SERINC5: variants seen among roughly 807,000 people sequenced by gnomAD.
SERINC5 encodes the protein chromosome 5 open reading frame 12.
In SERINC5, 41 loss-of-function variants were observed where a neutral mutation model predicts 63.1. That is an observed-to-expected ratio of 0.65 (90% CI 0.51 to 0.84). SERINC5 has a LOEUF of 0.84. Among genes scored for constraint, SERINC5 ranks in the 40% least tolerant of loss-of-function variants. The pLI is 0.00. For missense variants in SERINC5, 523 were observed against 573.0 expected, an observed-to-expected ratio of 0.91 and a Z score of 0.89; for synonymous variants, 222 against 215.2, an observed-to-expected ratio of 1.03 and a Z score of -0.28.
chr5:80,207,861 C>G (rs1175122638), intron 1 of SERINC5, among the ~76,000 whole-genome samples: 1 of 152,202 alleles, frequency 6.6e-6, no homozygotes, highest in Non-Finnish European at 1.5e-5. Context: ...TTCAAAACAG[C>G]ATCCGTAAAA....
At position 80,140,397 on chromosome 5, in the gene SERINC5, A is replaced by C. The variant is rs1359236229; in HGVS notation, c.*3266T>G. On this transcript the variant is annotated 3_prime_UTR_variant, in exon 12 of 12. Transcript: ENST00000507668. ...ACATTACACTGAGGTTATTCATAAT[A>C]AAGGATCTTCTGAGGAATCGGAAAT... 4 of 984,780 alleles carry C rather than the reference A, an allele frequency of 4.1e-6. No homozygotes were observed. The East Asian group carries it at 4.6e-4, about 112-fold the overall frequency. 61.0% of individuals were successfully genotyped at this position (984,780 alleles called of 1,614,324 possible).
Position 80,140,689 on chromosome 5 carries a change from G to T in SERINC5, c.*2974C>A. The T allele has an allele frequency of 1.0e-6, 1 of 985,210 alleles. No individual in the cohort carries two copies. The highest frequency in any genetic ancestry group is 1.2e-6 in the Non-Finnish European group (1 of 829,872). The allele number at this position is 985,210 out of a possible 1,614,324, so 61.0% of individuals were successfully genotyped here. On this transcript the variant is annotated 3_prime_UTR_variant, in exon 12 of 12. Coordinates refer to ENST00000507668, the MANE Select transcript of SERINC5 (RefSeq NM_001174072.3). Reference sequence around the variant, plus strand: ...GAAATAGTCTCTAGTCTCCAGTCAGGTAACATGCCGCGGTATGACACTCCC... The same window carrying T: ...GAAATAGTCTCTAGTCTCCAGTCAGTTAACATGCCGCGGTATGACACTCCC...
At chr5:80,146,699 A>G (rs2112305564) in intron 10 of SERINC5, among the ~76,000 whole-genome samples, 1 of 151,948 alleles carries the variant, frequency 6.6e-6, no homozygotes, top group East Asian at 1.9e-4. Context: ...CAGGTGATCC[A>G]CCCACCTCAG....
chr5:80,218,835 A>G (rs1750782085), intron 1 of SERINC5, among the ~76,000 whole-genome samples: 1 of 151,892 alleles, frequency 6.6e-6, no homozygotes, highest in Non-Finnish European at 1.5e-5. Flanking sequence ...CCCACAAACC[A>G]CATCACAGAA....
chr5:80,191,270 C>A (rs1343909055), intron 2 of SERINC5, among the ~76,000 whole-genome samples: 1 of 151,804 alleles, frequency 6.6e-6, no homozygotes, highest in African/African-American at 2.4e-5. Context: ...TTCTACTTCA[C>A]ATTCTAGAAT....
chr5:80,246,796 A>C (rs2112605463), intron 1 of SERINC5, among the ~76,000 whole-genome samples: 1 of 152,372 alleles, frequency 6.6e-6, no homozygotes. Context: ...AATATCATTA[A>C]TATATAAGCT....
downstream of SERINC5, among the ~76,000 whole-genome samples, chr5:80,134,354 C>T (rs1425254826): frequency 6.6e-6 from 1 of 152,154 alleles, no homozygotes; most frequent in South Asian, 2.1e-4. Flanking sequence ...GGCGTGGTGG[C>T]GTGCACCTGT....
chr5:80,113,983 T>C (rs1274880375), intron 11 of SERINC5, among the ~76,000 whole-genome samples: 1 of 151,954 alleles, frequency 6.6e-6, no homozygotes, highest in African/African-American at 2.4e-5. Flanking sequence ...CACACTCCCA[T>C]CTCTGGGTGT....
chr5:80,164,021 T>C (rs1368713592), intron 7 of SERINC5, among the ~76,000 whole-genome samples: 1 of 152,302 alleles, frequency 6.6e-6, no homozygotes, highest in East Asian at 1.9e-4. Flanking sequence ...TATTGGAAGA[T>C]TTTTTAAATC....
intron 1 of SERINC5, among the ~76,000 whole-genome samples, chr5:80,237,308 T>C (rs1047783139): frequency 6.6e-6 from 1 of 151,922 alleles, no homozygotes; most frequent in South Asian, 2.1e-4. Flanking sequence ...AAAAGGAGAA[T>C]GAAATGCTAA....
intron 7 of SERINC5, among the ~76,000 whole-genome samples, chr5:80,161,103 T>C (rs929165022): frequency 6.6e-6 from 1 of 151,934 alleles, no homozygotes; most frequent in Non-Finnish European, 1.5e-5. Flanking sequence ...CATCTGTTGA[T>C]GGACACTTAA....
chr5:80,214,234 C>T (rs1344210471), intron 1 of SERINC5, among the ~76,000 whole-genome samples: 1 of 152,038 alleles, frequency 6.6e-6, no homozygotes, highest in Admixed American at 6.6e-5. Context: ...TATAACAAGA[C>T]ATAGATCAGC....
At chr5:80,127,263 G>A (rs1316927816) in intron 11 of SERINC5, among the ~76,000 whole-genome samples, 1 of 152,196 alleles carries the variant, frequency 6.6e-6, no homozygotes, top group Non-Finnish European at 1.5e-5. Context: ...GAGTGGCCAT[G>A]AGACTTGCTT....
At chr5:80,136,085 C>T (rs898892058), downstream of SERINC5, among the ~76,000 whole-genome samples, 7 of 151,912 alleles carry the variant, frequency 4.6e-5, no homozygotes, top group African/African-American at 1.5e-4. Flanking sequence ...GTTAAGTGCC[C>T]GGTGTGGTGG....
At chr5:80,196,938 T>G (rs1749540841) in intron 2 of SERINC5, among the ~76,000 whole-genome samples, 1 of 151,932 alleles carries the variant, frequency 6.6e-6, no homozygotes. Context: ...AAACTCCATC[T>G]CAAAAGAAAT....
intron 4 of SERINC5, among the ~76,000 whole-genome samples, chr5:80,175,790 T>C (rs778671469): frequency 1.4e-5 from 2 of 142,244 alleles, no homozygotes; most frequent in Non-Finnish European, 3.0e-5. Context: ...CTTGAACCTG[T>C]GAGGTGGAGG....
intron 5 of SERINC5, among the ~76,000 whole-genome samples, chr5:80,170,650 A>G (rs1747588235): frequency 6.6e-6 from 1 of 152,186 alleles, no homozygotes; most frequent in South Asian, 2.1e-4. Flanking sequence ...GGCAGGATGA[A>G]AAAAGTGGCT....
intron 7 of SERINC5, among the ~76,000 whole-genome samples, chr5:80,162,736 C>T (rs964589598): frequency 2.0e-5 from 3 of 152,054 alleles, no homozygotes; most frequent in Non-Finnish European, 2.9e-5. Flanking sequence ...TCACGTCCTT[C>T]GTTAAATTTA....
At position 80,210,855 on chromosome 5, in the gene SERINC5, G is replaced by C. The variant is rs1750400313; in HGVS notation, c.28-7802C>G. Among the ~76,000 whole-genome samples the C allele has an allele frequency of 2.6e-5, 4 of 152,178 alleles. 1 individual carries two copies. The highest frequency in any genetic ancestry group is 2.6e-4 in the Admixed American group (4 of 15,276). ...GTCGAAGAAGCCCAGGTAGATGACG[G>C]GTGGTAGATCAACAGGTTTCATCTC... On this transcript the variant is annotated intron_variant, in intron 1 of 11. Transcript: ENST00000507668.
Sources: allele counts gnomAD v4.1 joint callset (sites outside exome capture counted in the v4.1 genomes callset), GRCh38; gene constraint gnomAD v4.1.1; transcripts MANE v1.5; gene names NCBI Gene and HGNC (gene_info 2026-07-23, HGNC 2026-07-21).